The following ATP8B4 variants were observed in gnomAD, a reference collection of about 807,000 sequenced individuals.
ATP8B4 encodes ATPase phospholipid transporting 8B4 (putative).
ATP8B4 carries 133 observed loss-of-function variants against 145.6 expected under a neutral mutation model. That is an observed-to-expected ratio of 0.91 (90% CI 0.79 to 1.05). ATP8B4 has a LOEUF of 1.05. Ranked by LOEUF, ATP8B4 falls within the 50% of genes least tolerant of loss-of-function variation. The probability of loss-of-function intolerance (pLI) is 0.00; values close to 1 mark genes in which losing one functional copy is unlikely to be tolerated. For synonymous variants in ATP8B4, 507 were observed against 492.9 expected, an observed-to-expected ratio of 1.03 and a Z score of -0.38; for missense variants, 1,458 against 1,425.2, an observed-to-expected ratio of 1.02 and a Z score of -0.37.
At chr15:49,889,981 C>T (rs2036616187) in intron 23 of ATP8B4, among the ~76,000 whole-genome samples, 1 of 152,068 alleles carries the variant, frequency 6.6e-6, no homozygotes, top group Non-Finnish European at 1.5e-5. Context: ...CATGGCTTAT[C>T]CATAGTAAAT....
intron 14 of ATP8B4, among the ~76,000 whole-genome samples, chr15:49,943,355 T>C (rs1199836047): frequency 6.6e-6 from 1 of 150,828 alleles, no homozygotes; most frequent in Non-Finnish European, 1.5e-5. Context: ...GAAATGGAGA[T>C]CCATTTTCAA....
At position 50,077,284 on chromosome 15, in the gene ATP8B4, G is replaced by A. The variant is rs1276814503; in HGVS notation, c.29-3099C>T. Among the ~76,000 whole-genome samples the A allele has an allele frequency of 2.6e-5, 4 of 152,346 alleles. No individual in the cohort carries two copies. In the East Asian group the frequency reaches 7.7e-4, roughly 29 times the overall value. On this transcript the variant is annotated intron_variant, in intron 2 of 27. Coordinates refer to ENST00000284509, the MANE Select transcript of ATP8B4 (RefSeq NM_024837.4). ...CTTCTGGTTTAAGATAGCAAGTTGA[G>A]TCTGTCTTTTTCCTCCCTTCTTTCT... is the stretch of plus-strand genomic sequence containing the variant.
chr15:49,951,317 ATTG>A (rs1179723565), intron 14 of ATP8B4, among the ~76,000 whole-genome samples: 5 of 152,122 alleles, frequency 3.3e-5, no homozygotes, highest in Admixed American at 1.3e-4. Flanking sequence ...TCCCACTATT[ATTG>A]TGTGGGAGTC....
intron 1 of ATP8B4, among the ~76,000 whole-genome samples, chr15:50,178,720 G>A (rs905723319): frequency 1.3e-5 from 2 of 152,032 alleles, no homozygotes; most frequent in South Asian, 2.1e-4. Flanking sequence ...CTTGGAAAGG[G>A]CTATATGTTT....
At chr15:50,176,111 T>G (rs1017099286) in intron 1 of ATP8B4, among the ~76,000 whole-genome samples, 10 of 151,090 alleles carry the variant, frequency 6.6e-5, no homozygotes, top group African/African-American at 2.5e-4. Flanking sequence ...TGTATATATA[T>G]ATACTGCACA....
intron 19 of ATP8B4, among the ~76,000 whole-genome samples, chr15:49,917,673 T>C (rs1462920334): frequency 4.6e-5 from 7 of 152,168 alleles, no homozygotes; most frequent in Non-Finnish European, 1.0e-4. Context: ...TTTATAGAAA[T>C]GGAACCTAAG....
At chr15:49,866,508 C>A (rs372891999) in intron 25 of ATP8B4, 24 bp from the exon 26 acceptor site, 2 of 1,611,262 alleles carry the variant, frequency 1.2e-6, no homozygotes, top group Non-Finnish European at 1.7e-6. Context: ...CAAATGCAAA[C>A]GGGAGGTCTT....
At chr15:49,978,810 A>AGAGGGGTGT (rs1190153045) in intron 12 of ATP8B4, among the ~76,000 whole-genome samples, 1 of 86,778 alleles carries the variant, frequency 1.2e-5, no homozygotes, top group Non-Finnish European at 2.1e-5. Context: ...ATATAAATAA[A>AGAGGGGTGT]GAGGGGTGTG....
intron 1 of ATP8B4, among the ~76,000 whole-genome samples, chr15:50,137,023 T>C (rs956311457): frequency 6.6e-6 from 1 of 152,354 alleles, no homozygotes. Flanking sequence ...GATTCTCTTA[T>C]TTGGGTTCTG....
At chr15:49,928,922 T>C (rs1052052825) in intron 16 of ATP8B4, among the ~76,000 whole-genome samples, 1 of 152,054 alleles carries the variant, frequency 6.6e-6, no homozygotes, top group Non-Finnish European at 1.5e-5. Context: ...GAGGATCTAT[T>C]AGTCTAGAGA....
Position 49,931,241 on chromosome 15 carries a change from C to T in ATP8B4, c.1520G>A (p.Gly507Glu). ...TGGGGTCCGGGATTTAAAAATGAACCCAAAATTTCTAGCGGCAGTCACTAG... is the reference window on the plus strand; with the variant it reads ...TGGGGTCCGGGATTTAAAAATGAACTCAAAATTTCTAGCGGCAGTCACTAG... Reference protein sequence around the residue: ...GALVTAARNFGFIFKSRTPET... With the variant: ...GALVTAARNFEFIFKSRTPET... Residue 507 changes from glycine (G) to glutamate (E), a missense_variant, in exon 16 of 28, where the codon GGG becomes GAG. Physicochemically the swap from Gly to Glu is moderately conservative, Grantham distance 98 (BLOSUM62 -2). Transcript: ENST00000284509. 1 of 1,612,682 alleles carries T rather than the reference C, an allele frequency of 6.2e-7. No individual in the cohort carries two copies.
chr15:50,143,922 C>T (rs1403895474), intron 1 of ATP8B4, among the ~76,000 whole-genome samples: 1 of 152,122 alleles, frequency 6.6e-6, no homozygotes, highest in African/African-American at 2.4e-5. Context: ...ATCAACTTCA[C>T]CTGTAGATAA....
intron 14 of ATP8B4, among the ~76,000 whole-genome samples, chr15:49,946,740 T>A (rs1269275102): frequency 6.6e-6 from 1 of 152,192 alleles, no homozygotes; most frequent in Non-Finnish European, 1.5e-5. Flanking sequence ...TTATTTCTTA[T>A]CATGGTGGTG....
At chr15:50,080,740 A>G (rs1341763247) in intron 2 of ATP8B4, among the ~76,000 whole-genome samples, 2 of 152,086 alleles carry the variant, frequency 1.3e-5, no homozygotes, top group Non-Finnish European at 2.9e-5. Context: ...GCCCCCTGCT[A>G]GAAATTTTTA....
intron 6 of ATP8B4, among the ~76,000 whole-genome samples, chr15:50,028,802 G>C (rs761395014): frequency 3.9e-5 from 6 of 152,118 alleles, no homozygotes; most frequent in Non-Finnish European, 8.8e-5. Context: ...TCTACTGAGT[G>C]AAAGAACGAA....
At chr15:50,165,542 T>TA (rs1401147812) in intron 1 of ATP8B4, among the ~76,000 whole-genome samples, 2 of 151,994 alleles carry the variant, frequency 1.3e-5, no homozygotes, top group Non-Finnish European at 2.9e-5. Flanking sequence ...TCCCCCTAAA[T>TA]AAAAAAGTTT....
At chr15:50,038,714 GC>G in intron 6 of ATP8B4, 53 bp downstream of exon 6, 1 of 1,346,320 alleles carries the variant, frequency 7.4e-7, no homozygotes, top group Non-Finnish European at 1.1e-6. Context: ...ATCGTCAAGA[GC>G]TGTTTCAGGG....
chr15:49,988,383 G>A (rs921639687), intron 9 of ATP8B4, among the ~76,000 whole-genome samples: 2 of 152,038 alleles, frequency 1.3e-5, no homozygotes, highest in African/African-American at 4.8e-5. Flanking sequence ...CTGCAAACAG[G>A]TAAGGTTAAA....
At chr15:49,908,575 G>GC (rs1418164423) in intron 20 of ATP8B4, among the ~76,000 whole-genome samples, 1 of 152,150 alleles carries the variant, frequency 6.6e-6, no homozygotes, top group African/African-American at 2.4e-5. Context: ...AACATAGGGA[G>GC]CTGCCTGAAG....
Sources: gnomAD v4.1 joint callset for allele counts (sites outside exome capture counted in the v4.1 genomes callset) on GRCh38, gnomAD v4.1.1 for gene constraint, MANE v1.5 for transcripts, NCBI Gene and HGNC (gene_info 2026-07-23, HGNC 2026-07-21) for gene names.